Variants in ASCC3 observed in about 807,000 individuals in gnomAD.
ASCC3 encodes ASC-1 complex subunit P200.
In ASCC3, 158 loss-of-function variants were observed where a neutral mutation model predicts 256.3. The observed-to-expected ratio is 0.62, with a 90% CI of 0.54 to 0.70. The LOEUF (loss-of-function observed/expected upper bound fraction) is 0.70. ASCC3 is among the 30% of genes least tolerant of loss of function. The probability of loss-of-function intolerance (pLI) is 0.00; values close to 1 mark genes in which losing one functional copy is unlikely to be tolerated. For synonymous variants in ASCC3, 948 were observed against 883.4 expected, an observed-to-expected ratio of 1.07 and a Z score of -1.30; for missense variants, 2,259 against 2,626.0, an observed-to-expected ratio of 0.86 and a Z score of 3.05.
At chr6:100,801,335 C>T (rs1237111512) in intron 5 of ASCC3, among the ~76,000 whole-genome samples, 1 of 152,118 alleles carries the variant, frequency 6.6e-6, no homozygotes, top group African/African-American at 2.4e-5. Flanking sequence ...GTTCTAGCCA[C>T]TGCAGCTAGG....
chr6:100,770,411 A>G (rs1210233205), intron 8 of ASCC3, among the ~76,000 whole-genome samples: 1 of 151,966 alleles, frequency 6.6e-6, no homozygotes, highest in Non-Finnish European at 1.5e-5. Context: ...CAGGAATAGG[A>G]AGGGTATTAC....
chr6:100,532,773 CAT>C (rs1312422205), intron 37 of ASCC3, among the ~76,000 whole-genome samples: 1 of 152,014 alleles, frequency 6.6e-6, no homozygotes, highest in African/African-American at 2.4e-5. Context: ...TCCCTATAAA[CAT>C]ATTAATATTC....
chr6:100,665,577 C>CA (rs1178008853), intron 14 of ASCC3, among the ~76,000 whole-genome samples: 2 of 149,344 alleles, frequency 1.3e-5, no homozygotes, highest in East Asian at 2.0e-4. Context: ...AACAAACAAA[C>CA]AAACAAAAAA....
intron 13 of ASCC3, among the ~76,000 whole-genome samples, chr6:100,699,977 C>T (rs533720151): frequency 4.6e-5 from 7 of 152,106 alleles, no homozygotes; most frequent in Admixed American, 4.6e-4. Context: ...AAATGTGCAA[C>T]CTAACAATGC....
intron 14 of ASCC3, among the ~76,000 whole-genome samples, chr6:100,676,600 T>TG (rs917773131): frequency 7.8e-4 from 118 of 152,158 alleles, no homozygotes; most frequent in Admixed American, 7.6e-3. Context: ...GTTTTTCCCT[T>TG]GGGGGTGACT....
intron 36 of ASCC3, among the ~76,000 whole-genome samples, chr6:100,546,978 T>C (rs1404068700): frequency 6.6e-6 from 1 of 152,122 alleles, no homozygotes; most frequent in East Asian, 1.9e-4. Flanking sequence ...TGATGGATTC[T>C]TAAGCATGTT....
chr6:100,556,504 T>C (rs1037882509), intron 36 of ASCC3, among the ~76,000 whole-genome samples: 9 of 152,164 alleles, frequency 5.9e-5, no homozygotes, highest in African/African-American at 2.2e-4. Flanking sequence ...GTACACAACA[T>C]GATTAAAGGT....
At chr6:100,662,828 C>T (rs192455611) in intron 14 of ASCC3, among the ~76,000 whole-genome samples, 28 of 152,120 alleles carry the variant, frequency 1.8e-4, no homozygotes, top group African/African-American at 6.5e-4. Flanking sequence ...TTACCTGTTT[C>T]TTAGCCTTCA....
At chr6:100,558,862 C>T (rs1028552340) in intron 36 of ASCC3, among the ~76,000 whole-genome samples, 1 of 152,114 alleles carries the variant, frequency 6.6e-6, no homozygotes, top group Non-Finnish European at 1.5e-5. Flanking sequence ...CTTCCTGACA[C>T]TTATGAATCT....
chr6:100,531,597 T>G (rs1352282639), intron 37 of ASCC3, among the ~76,000 whole-genome samples: 1 of 151,908 alleles, frequency 6.6e-6, no homozygotes, highest in Non-Finnish European at 1.5e-5. Flanking sequence ...AAATGACATG[T>G]GTTGTTGATG....
chr6:100,584,690 A>G (rs1377022634), intron 36 of ASCC3, among the ~76,000 whole-genome samples: 1 of 151,994 alleles, frequency 6.6e-6, no homozygotes, highest in African/African-American at 2.4e-5. Context: ...GATGGTCTTT[A>G]GATTTTGGCA....
intron 23 of ASCC3, among the ~76,000 whole-genome samples, chr6:100,643,040 T>C (rs1380500354): frequency 6.6e-6 from 1 of 152,168 alleles, no homozygotes; most frequent in Non-Finnish European, 1.5e-5. Flanking sequence ...ACATCATTCA[T>C]TCAATTACAT....
intron 4 of ASCC3, 133 bp from the exon 5 acceptor site, chr6:100,806,013 G>A: frequency 1.2e-6 from 1 of 838,136 alleles, no homozygotes. Flanking sequence ...AATAAAAATG[G>A]TACCTTAAAC....
chr6:100,640,862 A>T (rs966453616), intron 24 of ASCC3, among the ~76,000 whole-genome samples: 2 of 152,216 alleles, frequency 1.3e-5, no homozygotes, highest in Admixed American at 6.5e-5. Context: ...GGCAAAGTTT[A>T]AAGTCACATT....
At position 100,574,278 on chromosome 6, in the gene ASCC3, C is replaced by T. The variant is rs572059943; in HGVS notation, c.5550+15356G>A. Among the ~76,000 whole-genome samples, 8 of 152,100 alleles carry T rather than the reference C, an allele frequency of 5.3e-5. No individual in the cohort carries two copies. In the East Asian group the frequency reaches 1.5e-3, roughly 29 times the overall value. ...TGGCACAGAAGTTTATGGGTGCAACCTTTTTATGTACCTTACTTTGTAAAT... is the reference window on the plus strand; with the variant it reads ...TGGCACAGAAGTTTATGGGTGCAACTTTTTTATGTACCTTACTTTGTAAAT... On this transcript the variant is annotated intron_variant, in intron 36 of 41. Transcript: ENST00000369162.
chr6:100,767,307 A>C lies in ASCC3; in HGVS notation c.1434T>G (p.Asn478Lys). The change falls in exon 9 of 42, where the codon AAT (asparagine) becomes AAG (lysine). Residue 478 changes from asparagine (N) to lysine (K), a missense_variant. Coordinates refer to ENST00000369162, the MANE Select transcript of ASCC3 (RefSeq NM_006828.4). ...QLAFKGMKRL[N>K]RIQSIVFETA... ...TCTCAAACACTATTGACTGGATTCT[A>C]TTGAGTCTCTTCATTCCTTTAAAAG... is the stretch of plus-strand genomic sequence containing the variant. 6.2e-7 allele frequency: 1 copy of C among 1,612,762 alleles called. No individual in the cohort carries two copies. Among genetic ancestry groups the C allele is most frequent in the Admixed American group, 1.7e-5 (1 of 59,830 alleles).
At chr6:100,702,161 G>A (rs990015738) in intron 13 of ASCC3, among the ~76,000 whole-genome samples, 5 of 152,100 alleles carry the variant, frequency 3.3e-5, no homozygotes, top group African/African-American at 1.2e-4. Context: ...GGCTAGAGTA[G>A]TCCAGGAAAG....
At chr6:100,612,181 T>C (rs1486588144) in intron 30 of ASCC3, among the ~76,000 whole-genome samples, 2 of 152,148 alleles carry the variant, frequency 1.3e-5, no homozygotes, top group Middle Eastern at 3.4e-3. Flanking sequence ...CAAAAAGCTT[T>C]TGTAGAAATA....
At chr6:100,620,455 T>C (rs1272268052) in intron 30 of ASCC3, among the ~76,000 whole-genome samples, 1 of 152,162 alleles carries the variant, frequency 6.6e-6, no homozygotes, top group African/African-American at 2.4e-5. Flanking sequence ...AGAAGATAGA[T>C]GAATAACTCT....
Sources: allele counts gnomAD v4.1 joint callset (sites outside exome capture counted in the v4.1 genomes callset), GRCh38; gene constraint gnomAD v4.1.1; transcripts MANE v1.5; gene names NCBI Gene and HGNC (gene_info 2026-07-23, HGNC 2026-07-21).